The following CACNA1B variants were observed in gnomAD, a reference collection of about 807,000 sequenced individuals.
CACNA1B encodes calcium voltage-gated channel subunit alpha1 B.
In CACNA1B, 70 loss-of-function variants were observed where a neutral mutation model predicts 247.2. The observed-to-expected ratio is 0.28, with a 90% CI of 0.23 to 0.35. The LOEUF (loss-of-function observed/expected upper bound fraction) is 0.35. Ranked by LOEUF, CACNA1B falls within the 10% of genes least tolerant of loss-of-function variation. The pLI is 1.00. For missense variants in CACNA1B, 2,367 were observed against 3,197.4 expected (o/e 0.74, Z 6.26); for synonymous variants, 1,231 against 1,294.4 (o/e 0.95, Z 1.05).
chr9:137,878,158 C>A lies in CACNA1B; in HGVS notation c.225C>A (p.Leu75=). 7.6e-7 allele frequency: 1 copy of A among 1,308,196 alleles called. No individual in the cohort carries two copies. Among genetic ancestry groups the A allele is most frequent in the East Asian group, 3.0e-5 (1 of 33,078 alleles). The allele number at this position is 1,308,196 out of a possible 1,614,324, so 81.0% of individuals were successfully genotyped here. ...KQNCFTVNRS[L]FVFSEDNVVR... ...ACTGCTTCACCGTCAACCGCTCGCT[C>A]TTCGTCTTCAGCGAGGACAACGTCG... Residue 75 remains leucine, a synonymous_variant, in exon 1 of 47, where the codon CTC becomes CTA. Transcript: ENST00000371372.
intron 34 of CACNA1B, among the ~76,000 whole-genome samples, chr9:138,074,400 CCGG>C (rs1389086748): frequency 1.3e-5 from 2 of 152,056 alleles, no homozygotes; most frequent in East Asian, 3.9e-4. Flanking sequence ...GCCACCACGC[CCGG>C]CTAATTTTTG....
Position 137,971,839 on chromosome 9 carries a change from C to T in CACNA1B, c.1543+247C>T, listed in dbSNP as rs898494952. Among the ~76,000 whole-genome samples the T allele has an allele frequency of 1.3e-5, 2 of 152,182 alleles. No individual in the cohort carries two copies. The highest frequency in any genetic ancestry group is 4.8e-5 in the African/African-American group (2 of 41,452). ...ACAGCTGGATCTGCTAGACCCCTGT[C>T]CCTCAGCATAGTGTGAGACTGGTTG... On this transcript the variant is annotated intron_variant, in intron 11 of 46. Transcript: ENST00000371372. This position sits in a 1 kb window ranked among gnomAD's most constrained non-coding sequence, Gnocchi z 4.4.
chr9:138,006,396 G>T (rs996528721), intron 15 of CACNA1B, among the ~76,000 whole-genome samples: 3 of 152,152 alleles, frequency 2.0e-5, no homozygotes, highest in African/African-American at 7.2e-5. Flanking sequence ...TGTGAACCTC[G>T]GCTTCCTTGA....
intron 20 of CACNA1B, among the ~76,000 whole-genome samples, chr9:138,027,458 A>G (rs1958935492): frequency 6.6e-6 from 1 of 152,160 alleles, no homozygotes; most frequent in Non-Finnish European, 1.5e-5. Context: ...TCTAAGTCTT[A>G]CACCACTCAT....
chr9:137,925,417 G>C (rs1327798511), intron 6 of CACNA1B, among the ~76,000 whole-genome samples: 4 of 152,186 alleles, frequency 2.6e-5, no homozygotes, highest in African/African-American at 9.7e-5. Context: ...TCTTATCTCT[G>C]GCCACGTTTT....
At chr9:137,949,140 T>TGTGC (rs1564203250) in intron 6 of CACNA1B, among the ~76,000 whole-genome samples, 35 of 870 alleles carry the variant, frequency 0.04, no homozygotes, top group Admixed American at 0.074. Flanking sequence ...GTGTGTGGTG[T>TGTGC]ATCTGTGCAT....
chr9:137,991,983 C>T (rs925451570), intron 15 of CACNA1B, among the ~76,000 whole-genome samples: 5 of 152,032 alleles, frequency 3.3e-5, no homozygotes, highest in Admixed American at 2.0e-4. Flanking sequence ...CAAAATAGAA[C>T]CTCCTTAAGA....
intron 15 of CACNA1B, among the ~76,000 whole-genome samples, chr9:138,004,939 C>T (rs890195868): frequency 1.3e-5 from 2 of 152,232 alleles, no homozygotes; most frequent in African/African-American, 2.4e-5. Context: ...AGTGAGGTAT[C>T]GTCTCACCCA....
chr9:138,068,032 A>G lies in CACNA1B; in HGVS notation c.4669-1726A>G, dbSNP rs149039959. Among the ~76,000 whole-genome samples, 268 of 152,236 alleles carry G rather than the reference A, an allele frequency of 1.8e-3. 1 individual carries two copies. Among genetic ancestry groups the G allele is most frequent in the African/African-American group, 5.6e-3 (231 of 41,528 alleles). On this transcript the variant is annotated intron_variant, in intron 31 of 46. Coordinates refer to ENST00000371372, the MANE Select transcript of CACNA1B (RefSeq NM_000718.4). The stretch of plus-strand genomic sequence containing the variant: ...AGCTTTGGGGGGTTTCTGTGTGTGC[A>G]CCCCTTTCCAGTGACATCAGCACAG...
chr9:137,913,624 G>C lies in CACNA1B; in HGVS notation c.622+353G>C. 6.6e-6 allele frequency among the ~76,000 whole-genome samples: 1 copy of C among 151,534 alleles called. No individual in the cohort carries two copies. Among genetic ancestry groups the C allele is most frequent in the Non-Finnish European group, 1.5e-5 (1 of 67,914 alleles). The stretch of plus-strand genomic sequence containing the variant: ...GGTGGGGAAGGATGCCTGAGAAAAT[G>C]TGCAAAAGCTGCAAAGGGCCACTTG... On this transcript the variant is annotated intron_variant, in intron 4 of 46. Coordinates refer to ENST00000371372, the MANE Select transcript of CACNA1B (RefSeq NM_000718.4). The surrounding 1 kb of genome is among the most constrained non-coding windows in gnomAD (Gnocchi z 5.2).
Position 138,054,588 on chromosome 9 carries a change from C to G in CACNA1B, c.3968+582C>G, listed in dbSNP as rs185296115. On this transcript the variant is annotated intron_variant, in intron 26 of 46. Transcript: ENST00000371372. The surrounding 1 kb of genome is among the most constrained non-coding windows in gnomAD (Gnocchi z 4.6). Reference sequence around the variant, plus strand: ...TGTGTGAATATCATGCAGCTTCCTCCTGTGCCGTGTGACTGATGGGCACTT... The same window carrying G: ...TGTGTGAATATCATGCAGCTTCCTCGTGTGCCGTGTGACTGATGGGCACTT... 6.6e-5 allele frequency among the ~76,000 whole-genome samples: 10 copies of G among 152,358 alleles called. No individual in the cohort carries two copies. The highest frequency in any genetic ancestry group is 2.4e-4 in the African/African-American group (10 of 41,574).
Position 137,975,925 on chromosome 9 carries a change from T to C in CACNA1B, c.1562T>C (p.Phe521Ser). Residue 521 changes from phenylalanine to serine, a missense_variant, in exon 12 of 47, where the codon TTC becomes TCC. Around this residue, in one of 12 missense-constraint regions of CACNA1B, gnomAD observed 219 missense variants for 297.6 expected, o/e 0.74. Transcript: ENST00000371372. ...TTTLYFAEFV[F>S]LGLFLTEMSL... is the part of the protein sequence containing the mutation. ...CTCCTAGATTTTGCAGAGTTTGTTT[T>C]CCTGGGTCTCTTCCTCACAGAGATG... The C allele has an allele frequency of 6.2e-7, 1 of 1,612,362 alleles. No individual in the cohort carries two copies. The highest frequency in any genetic ancestry group is 8.5e-7 in the Non-Finnish European group (1 of 1,178,430).
intron 20 of CACNA1B, among the ~76,000 whole-genome samples, chr9:138,036,571 A>C (rs891438614): frequency 6.6e-6 from 1 of 152,176 alleles, no homozygotes; most frequent in East Asian, 1.9e-4. Context: ...TCTTTATTTC[A>C]ACATATTGAG....
At chr9:138,076,222 G>T (rs1960314262) in intron 35 of CACNA1B, among the ~76,000 whole-genome samples, 1 of 152,198 alleles carries the variant, frequency 6.6e-6, no homozygotes, top group Admixed American at 6.5e-5. Flanking sequence ...GGAGCCTCCG[G>T]TGAGGCTCCA....
intron 31 of CACNA1B, among the ~76,000 whole-genome samples, chr9:138,066,646 T>C (rs1292293136): frequency 6.6e-6 from 1 of 152,038 alleles, no homozygotes; most frequent in Non-Finnish European, 1.5e-5. Context: ...GAATAAGTCA[T>C]GGGTAAAAGA....
chr9:137,894,260 G>T (rs201132042), intron 3 of CACNA1B, among the ~76,000 whole-genome samples: 1 of 149,256 alleles, frequency 6.7e-6, no homozygotes, highest in Admixed American at 6.7e-5. Context: ...CACAGGAGCC[G>T]TCCCTTCTCC....
chr9:138,000,326 CT>C (rs1958558607), intron 15 of CACNA1B, among the ~76,000 whole-genome samples: 1 of 152,018 alleles, frequency 6.6e-6, no homozygotes, highest in Non-Finnish European at 1.5e-5. Flanking sequence ...TCTCGATCTC[CT>C]GACCTCGTGA....
intron 6 of CACNA1B, among the ~76,000 whole-genome samples, chr9:137,943,588 C>T (rs911387866): frequency 6.6e-6 from 1 of 152,066 alleles, no homozygotes; most frequent in African/African-American, 2.4e-5. Context: ...GGGGACTGAA[C>T]AAAGGATGAC....
At position 137,962,391 on chromosome 9, in the gene CACNA1B, A is replaced by G. The variant is rs544633446; in HGVS notation, c.1333+4704A>G. Among the ~76,000 whole-genome samples the G allele has an allele frequency of 3.5e-3, 509 of 144,350 alleles. 5 individuals carry two copies. The highest frequency in any genetic ancestry group is 4.6e-3 in the Non-Finnish European group (306 of 66,414). The allele number at this position is 144,350 out of a possible 152,430, so 94.7% of individuals were successfully genotyped here. On this transcript the variant is annotated intron_variant, in intron 10 of 46. Transcript: ENST00000371372. ...ATTTTTCATGTTTTCTATCTCCTTC[A>G]GTTCAGCTCTGATCTTAGTTATTTC...
Sources: allele counts gnomAD v4.1 joint callset (sites outside exome capture counted in the v4.1 genomes callset), GRCh38; gene constraint gnomAD v4.1.1; regional missense constraint gnomAD v4.1.1; non-coding constraint Gnocchi (gnomAD v3.1); transcripts MANE v1.5; gene names NCBI Gene and HGNC (gene_info 2026-07-23, HGNC 2026-07-21).